FGF14: variants seen among roughly 807,000 people sequenced by gnomAD.
FGF14 encodes the protein fibroblast growth factor homologous factor 4.
Under a neutral mutation model 25.5 loss-of-function variants are expected in FGF14, and 5 were observed. The observed-to-expected ratio is 0.20, with a 90% CI of 0.10 to 0.41. The LOEUF (loss-of-function observed/expected upper bound fraction) is 0.41, where lower values mean the gene tolerates loss of function less well. Ranked by LOEUF, FGF14 falls within the 10% of genes least tolerant of loss-of-function variation. The probability of loss-of-function intolerance (pLI) is 1.00; values close to 1 mark genes in which losing one functional copy is unlikely to be tolerated. For missense variants in FGF14, 222 were observed against 320.1 expected (o/e 0.69, Z 2.34); for synonymous variants, 138 against 118.3 (o/e 1.17, Z -1.08).
chr13:102,284,842 G>A (rs939225064), intron 1 of FGF14, among the ~76,000 whole-genome samples: 2 of 151,840 alleles, frequency 1.3e-5, no homozygotes, highest in African/African-American at 4.8e-5. Flanking sequence ...TATAATCATT[G>A]GTTCTTATTG....
chr13:102,003,856 T>G (rs568800232), intron 1 of FGF14, among the ~76,000 whole-genome samples: 2 of 152,260 alleles, frequency 1.3e-5, no homozygotes, highest in East Asian at 3.9e-4. Context: ...ATAGCCAAAA[T>G]GAATAGATAT....
chr13:101,806,898 C>T (rs1471141518), intron 3 of FGF14, among the ~76,000 whole-genome samples: 1 of 152,018 alleles, frequency 6.6e-6, no homozygotes, highest in African/African-American at 2.4e-5. Flanking sequence ...ATAGAGCTTC[C>T]GAATTCAACA....
chr13:102,137,015 T>C (rs1035606170), intron 1 of FGF14, among the ~76,000 whole-genome samples: 3 of 152,150 alleles, frequency 2.0e-5, no homozygotes, highest in African/African-American at 4.8e-5. Flanking sequence ...AACTAGGCCA[T>C]ACTGCTCTTT....
chr13:101,860,588 A>T (rs1323192), intron 3 of FGF14, among the ~76,000 whole-genome samples: 49,918 of 151,694 alleles, frequency 0.33, 8,715 homozygotes, highest in East Asian at 0.53. Context: ...TCCTTTTTTG[A>T]TTTTTAGAAA....
chr13:102,045,019 C>A (rs899516340), intron 1 of FGF14, among the ~76,000 whole-genome samples: 2 of 152,162 alleles, frequency 1.3e-5, no homozygotes, highest in Admixed American at 1.3e-4. Flanking sequence ...GTGTCTATAA[C>A]CTCACTGACG....
intron 1 of FGF14, among the ~76,000 whole-genome samples, chr13:102,332,807 G>C (rs1205627252): frequency 2.6e-5 from 4 of 152,118 alleles, no homozygotes; most frequent in African/African-American, 9.7e-5. Flanking sequence ...AGCTTTGCAA[G>C]TTAGACAGCT....
At position 101,718,782 on chromosome 13, in the gene FGF14, A is replaced by G. The variant is rs752515941; in HGVS notation, c.*4049T>C. 2.7e-4 allele frequency: 34 copies of G among 124,636 alleles called. No homozygotes were observed. Among genetic ancestry groups the G allele is most frequent in the African/African-American group, 7.0e-4 (22 of 31,630 alleles). The allele number at this position is 124,636 out of a possible 1,614,324, so 7.7% of individuals were successfully genotyped here. On this transcript the variant is annotated 3_prime_UTR_variant, in exon 5 of 5. Coordinates refer to ENST00000376143, the MANE Select transcript of FGF14 (RefSeq NM_004115.4). ...GGAATTAGACTTAGTGAAAACCAGGAAAAAAAAAAAAAACTAAAATATAAC... is the reference window on the plus strand; with the variant it reads ...GGAATTAGACTTAGTGAAAACCAGGGAAAAAAAAAAAAACTAAAATATAAC...
chr13:102,325,188 T>C (rs1456686281), intron 1 of FGF14, among the ~76,000 whole-genome samples: 1 of 150,448 alleles, frequency 6.6e-6, no homozygotes, highest in Non-Finnish European at 1.5e-5. Context: ...GCATAAAGGA[T>C]CCCAAAGGAA....
chr13:101,714,872 A>G lies in FGF14; in HGVS notation c.*7959T>C, dbSNP rs2034642234. 3.3e-6 allele frequency: 1 copy of G among 305,994 alleles called. No individual in the cohort carries two copies. Among genetic ancestry groups the G allele is most frequent in the Non-Finnish European group, 6.1e-6 (1 of 164,396 alleles). 19.0% of individuals were successfully genotyped at this position (305,994 alleles called of 1,614,324 possible). A position where few individuals can be genotyped will look rare whatever the true frequency, so the allele number is the denominator to read the frequency against. On this transcript the variant is annotated 3_prime_UTR_variant, in exon 5 of 5. Transcript: ENST00000376143. ...AAAGAATTTTGTTGGCAACCATTTT[A>G]CTTTGAACATGGTATAGGGAATGAA...
rs542279181 is a variant in FGF14, at chr13:102,208,982, G to A, written c.208+192489C>T. On this transcript the variant is annotated intron_variant, in intron 1 of 4. Transcript: ENST00000376131. ...CCTCCAGCAGAATCACACTCCAAAAGTGAAATTTCTTGAATGGAGAATTTA... is the reference window on the plus strand; with the variant it reads ...CCTCCAGCAGAATCACACTCCAAAAATGAAATTTCTTGAATGGAGAATTTA... 2.0e-5 allele frequency among the ~76,000 whole-genome samples: 3 copies of A among 152,288 alleles called. No individual in the cohort carries two copies. The East Asian group carries it at 5.8e-4, about 29-fold the overall frequency.
chr13:102,175,389 A>G (rs543141016), intron 1 of FGF14, among the ~76,000 whole-genome samples: 1 of 152,284 alleles, frequency 6.6e-6, no homozygotes, highest in Admixed American at 6.5e-5. Flanking sequence ...AGCTAGCTAT[A>G]CATAGAAGAA....
intron 1 of FGF14, among the ~76,000 whole-genome samples, chr13:102,123,388 G>C (rs915843135): frequency 1.3e-4 from 20 of 152,152 alleles, no homozygotes; most frequent in Non-Finnish European, 5.9e-5. Context: ...TAAGATATTA[G>C]ATAAAAGCAT....
chr13:101,947,250 C>T (rs929073961), intron 1 of FGF14, among the ~76,000 whole-genome samples: 11 of 152,180 alleles, frequency 7.2e-5, no homozygotes, highest in Non-Finnish European at 1.0e-4. Flanking sequence ...TAAATTAGTT[C>T]AGCCACTGTG....
At chr13:102,009,574 A>G (rs79340272) in intron 1 of FGF14, among the ~76,000 whole-genome samples, 4,855 of 152,278 alleles carry the variant, frequency 0.032, 108 homozygotes, top group African/African-American at 0.057. Flanking sequence ...GGGATTAAAA[A>G]ATTGTTCTTC....
chr13:102,363,759 C>T (rs2057632101), intron 1 of FGF14, among the ~76,000 whole-genome samples: 1 of 152,188 alleles, frequency 6.6e-6, no homozygotes, highest in Non-Finnish European at 1.5e-5. Flanking sequence ...TGTTGCCACT[C>T]TGAATAGTTT....
At chr13:102,385,956 G>A (rs57394199) in intron 1 of FGF14, among the ~76,000 whole-genome samples, 1,764 of 152,032 alleles carry the variant, frequency 0.012, 34 homozygotes, top group African/African-American at 0.037. Context: ...GTAATATAGC[G>A]TTTAGGAAAT....
chr13:101,800,000 A>G (rs765249298), intron 3 of FGF14, among the ~76,000 whole-genome samples: 15 of 152,162 alleles, frequency 9.9e-5, no homozygotes, highest in Non-Finnish European at 1.3e-4. Context: ...CATAGAAGGA[A>G]TGTCGATTTT....
At chr13:102,204,308 C>A (rs985937057) in intron 1 of FGF14, among the ~76,000 whole-genome samples, 1 of 151,968 alleles carries the variant, frequency 6.6e-6, no homozygotes, top group Non-Finnish European at 1.5e-5. Flanking sequence ...AAGAAACAAA[C>A]ACACACACAC....
Position 101,912,062 on chromosome 13 carries a change from T to G in FGF14, c.193+4391A>C, listed in dbSNP as rs574007127. On this transcript the variant is annotated intron_variant, in intron 1 of 4. Coordinates refer to ENST00000376143, the MANE Select transcript of FGF14 (RefSeq NM_004115.4). ...GATTATTTTCTGAGACGGTAGACACTTGTTTCCTTACATAGCACCTTGTAA... is the reference window on the plus strand; with the variant it reads ...GATTATTTTCTGAGACGGTAGACACGTGTTTCCTTACATAGCACCTTGTAA... Among the ~76,000 whole-genome samples the G allele has an allele frequency of 4.9e-4, 75 of 151,920 alleles. 1 individual carries two copies. The highest frequency in any genetic ancestry group is 1.7e-3 in the African/African-American group (70 of 41,474).
Sources: allele counts gnomAD v4.1 joint callset (sites outside exome capture counted in the v4.1 genomes callset), GRCh38; gene constraint gnomAD v4.1.1; transcripts MANE v1.5; gene names NCBI Gene and HGNC (gene_info 2026-07-23, HGNC 2026-07-21).